The following PMFBP1 variants were observed in gnomAD, a reference collection of about 807,000 sequenced individuals.
PMFBP1 encodes the protein polyamine modulated factor 1 binding protein 1.
PMFBP1 carries 131 observed loss-of-function variants against 137.8 expected under a neutral mutation model. The observed-to-expected ratio is 0.95, with a 90% CI of 0.82 to 1.10. The LOEUF (loss-of-function observed/expected upper bound fraction) is 1.10. Ranked by LOEUF, PMFBP1 falls within the 50% of genes least tolerant of loss-of-function variation. PMFBP1 has a pLI of 0.00. For synonymous variants in PMFBP1, 490 were observed against 450.4 expected (o/e 1.09, Z -1.11); for missense variants, 1,199 against 1,175.4 (o/e 1.02, Z -0.29).
the PMFBP1 span, among the ~76,000 whole-genome samples, chr16:72,199,627 C>G: frequency 7.5e-6 from 1 of 133,412 alleles, no homozygotes; most frequent in Non-Finnish European, 1.5e-5. Flanking sequence ...GCACTCCAGC[C>G]TGGAAGACAG....
rs148994952 is a variant in PMFBP1, at chr16:72,156,384, C to T, written c.166-1925G>A. Among the ~76,000 whole-genome samples the T allele has an allele frequency of 7.4e-3, 1,128 of 152,032 alleles. 14 individuals carry two copies. The highest frequency in any genetic ancestry group is 0.025 in the African/African-American group (1,057 of 41,498). ...CTGTAATCCCAGGACTTTGGGAGGC[C>T]GACGTGGGTGGATCATGAGGTCAGG... On this transcript the variant is annotated intron_variant, in intron 3 of 20. Coordinates refer to ENST00000237353, the MANE Select transcript of PMFBP1 (RefSeq NM_031293.3).
the PMFBP1 span, among the ~76,000 whole-genome samples, chr16:72,192,810 C>T: frequency 2.7e-5 from 4 of 150,024 alleles, no homozygotes; most frequent in Non-Finnish European, 4.4e-5. Context: ...GCTGAGGCAG[C>T]GGAATCGCTT....
the PMFBP1 span, among the ~76,000 whole-genome samples, chr16:72,207,007 A>G: frequency 6.6e-6 from 1 of 152,024 alleles, no homozygotes; most frequent in African/African-American, 2.4e-5. Flanking sequence ...AATGGCCTGG[A>G]GCTCCATTTT....
chr16:72,205,708 G>A, the PMFBP1 span, among the ~76,000 whole-genome samples: 1 of 152,274 alleles, frequency 6.6e-6, no homozygotes, highest in African/African-American at 2.4e-5. Context: ...CACATGCAGG[G>A]CCCTTTTGTT....
chr16:72,211,471 C>G, the PMFBP1 span, among the ~76,000 whole-genome samples: 1 of 152,130 alleles, frequency 6.6e-6, no homozygotes, highest in Admixed American at 6.5e-5. Flanking sequence ...AGAAAATGCT[C>G]CCTGTTTAGA....
chr16:72,152,188 T>A (rs532756245), intron 4 of PMFBP1, among the ~76,000 whole-genome samples: 1 of 152,298 alleles, frequency 6.6e-6, no homozygotes, highest in East Asian at 1.9e-4. Flanking sequence ...CTTAGACAGA[T>A]GTTTGATGAG....
upstream of PMFBP1, among the ~76,000 whole-genome samples, chr16:72,174,513 G>A (rs981305939): frequency 9.9e-5 from 15 of 152,186 alleles, no homozygotes; most frequent in Admixed American, 3.9e-4. Context: ...AGAGTATGCC[G>A]AGGTGTCACT....
chr16:72,126,793 T>C (rs531998193), intron 14 of PMFBP1, among the ~76,000 whole-genome samples: 2 of 152,334 alleles, frequency 1.3e-5, no homozygotes, highest in African/African-American at 2.4e-5. Context: ...CATGGTATAG[T>C]TAAAAGGAAG....
At chr16:72,232,870 T>C in the PMFBP1 span, among the ~76,000 whole-genome samples, 1 of 152,118 alleles carries the variant, frequency 6.6e-6, no homozygotes. Context: ...AATAAAACAC[T>C]GTCTCCATTT....
the PMFBP1 span, among the ~76,000 whole-genome samples, chr16:72,194,819 T>G: frequency 1.3e-5 from 2 of 152,188 alleles, no homozygotes; most frequent in African/African-American, 4.8e-5. Context: ...AGAACACACC[T>G]CAGAAGGCAG....
rs946740051 is a variant in PMFBP1 at position 72,141,702 on chromosome 16, AT to A, written c.637-1121del. ...TGATGAGAATATAGGTTGTTTCCAT[AT>A]TTTTTTTTTTCTGAAACAAAGCTGA... On this transcript the variant is annotated intron_variant, in intron 5 of 20. Coordinates refer to ENST00000237353, the MANE Select transcript of PMFBP1 (RefSeq NM_031293.3). Among the ~76,000 whole-genome samples the A allele has an allele frequency of 9.1e-3, 1,334 of 147,282 alleles. 19 individuals carry two copies. The highest frequency in any genetic ancestry group is 0.029 in the African/African-American group (1,166 of 40,502).
intron 5 of PMFBP1, 114 bp downstream of exon 5, chr16:72,150,494 A>G (rs2144407878): frequency 1.0e-6 from 1 of 963,490 alleles, no homozygotes; most frequent in Non-Finnish European, 1.6e-6. Flanking sequence ...AAGGGCAGGA[A>G]GTGACATCTG....
upstream of PMFBP1, chr16:72,172,406 A>G (rs1036885023): frequency 6.7e-6 from 1 of 149,918 alleles, no homozygotes; most frequent in Non-Finnish European, 1.5e-5. Flanking sequence ...TCTGCTCCAC[A>G]TTGTCCTCAA....
chr16:72,163,717 T>C (rs8051438), intron 3 of PMFBP1, among the ~76,000 whole-genome samples: 6,294 of 152,230 alleles, frequency 0.041, 404 homozygotes, highest in African/African-American at 0.14. Flanking sequence ...GTGGTATATA[T>C]ATACAATGGA....
chr16:72,157,680 C>G (rs561549229), intron 3 of PMFBP1, among the ~76,000 whole-genome samples: 81 of 152,204 alleles, frequency 5.3e-4, no homozygotes, highest in African/African-American at 1.9e-3. Flanking sequence ...GGGTACTGAA[C>G]AGAGGAGCAA....
At chr16:72,165,653 C>T (rs547080456) in intron 2 of PMFBP1, among the ~76,000 whole-genome samples, 4 of 152,112 alleles carry the variant, frequency 2.6e-5, no homozygotes, top group Non-Finnish European at 4.4e-5. Flanking sequence ...CTCCTGACCT[C>T]GTGATGTGCC....
the PMFBP1 span, among the ~76,000 whole-genome samples, chr16:72,190,227 G>A: frequency 6.6e-6 from 1 of 152,162 alleles, no homozygotes; most frequent in Non-Finnish European, 1.5e-5. Context: ...CAGTCTCTGA[G>A]CAAGGAGGGG....
Position 72,154,415 on chromosome 16 carries a change from C to A in PMFBP1, c.210G>T (p.Val70=), listed in dbSNP as rs1426060495. 1.2e-6 allele frequency: 2 copies of A among 1,614,032 alleles called. No individual in the cohort carries two copies. Among genetic ancestry groups the A allele is most frequent in the Non-Finnish European group, 1.7e-6 (2 of 1,180,006 alleles). The part of the protein sequence containing the change: ...AQALAFEESE[V]EFGSSKQCHL... ...GACACTGTTTACTGGACCCAAATTC[C>A]ACCTCTGACTCCTCGAATGCTAATG... The change falls in exon 4 of 21, where the codon GTG becomes GTT. Residue 70 remains valine, a synonymous_variant. Coordinates refer to ENST00000237353, the MANE Select transcript of PMFBP1 (RefSeq NM_031293.3).
the PMFBP1 span, among the ~76,000 whole-genome samples, chr16:72,221,972 C>T: frequency 2.0e-4 from 30 of 152,152 alleles, no homozygotes; most frequent in Admixed American, 7.2e-4. Context: ...GGCACTTTGC[C>T]GGGCTCAGGT....
Sources: gnomAD v4.1 joint callset for allele counts (sites outside exome capture counted in the v4.1 genomes callset) on GRCh38, gnomAD v4.1.1 for gene constraint, MANE v1.5 for transcripts, NCBI Gene and HGNC (gene_info 2026-07-23, HGNC 2026-07-21) for gene names.